CYLD: variants seen among roughly 807,000 people sequenced by gnomAD.
The protein encoded by CYLD is ubiquitin carboxyl-terminal hydrolase CYLD.
In CYLD, 26 loss-of-function variants were observed where a neutral mutation model predicts 104.5. That is an observed-to-expected ratio of 0.25 (90% CI 0.18 to 0.35). CYLD has a LOEUF of 0.35. CYLD is among the 10% of genes least tolerant of loss of function. The pLI is 1.00. For synonymous variants in CYLD, 385 were observed against 399.9 expected, an observed-to-expected ratio of 0.96 and a Z score of 0.45; for missense variants, 703 against 1,136.1, an observed-to-expected ratio of 0.62 and a Z score of 5.48.
chr16:50,762,438 A>G (rs1968054820), intron 5 of CYLD, among the ~76,000 whole-genome samples: 2 of 152,076 alleles, frequency 1.3e-5, no homozygotes, highest in Non-Finnish European at 2.9e-5. Context: ...TCAAGTTTCC[A>G]GATGTACACG....
intron 2 of CYLD, among the ~76,000 whole-genome samples, chr16:50,749,098 A>T (rs1966426638): frequency 6.6e-6 from 1 of 152,310 alleles, no homozygotes; most frequent in East Asian, 1.9e-4. Context: ...GTTACTCGGG[A>T]GGCTGAGGTA....
intron 13 of CYLD, 92 bp from the exon 14 acceptor site, chr16:50,787,694 A>G: frequency 1.5e-6 from 1 of 685,304 alleles, no homozygotes; most frequent in East Asian, 2.8e-5. Context: ...ATGAAACTGA[A>G]TTCAGTATTA....
At chr16:50,770,521 G>C (rs1969033008) in intron 5 of CYLD, among the ~76,000 whole-genome samples, 1 of 150,706 alleles carries the variant, frequency 6.6e-6, no homozygotes, top group Non-Finnish European at 1.5e-5. Context: ...CGTGATCTCG[G>C]CTCACTGTAA....
Position 50,751,676 on chromosome 16 carries a change from T to G in CYLD, c.577T>G (p.Cys193Gly). Residue 193 changes from cysteine (C) to glycine (G), a missense_variant, in exon 4 of 19, where the codon TGT becomes GGT. Around this residue, in one of 5 missense-constraint regions of CYLD, gnomAD observed 123 missense variants for 213.3 expected, o/e 0.58. Coordinates refer to ENST00000427738, the MANE Select transcript of CYLD (RefSeq NM_001378743.1). ...GKQLFQCDED[C>G]GVFVALDKLE... ...ACAGCTTTTTCAGTGTGATGAAGAT[T>G]GTGGCGTGTTTGTTGCATTGGACAA... The G allele has an allele frequency of 6.2e-7, 1 of 1,613,778 alleles. No homozygotes were observed. The highest frequency in any genetic ancestry group is 8.5e-7 in the Non-Finnish European group (1 of 1,179,816).
At chr16:50,754,860 TACAC>T (rs749207539) in intron 5 of CYLD, among the ~76,000 whole-genome samples, 1 of 143,376 alleles carries the variant, frequency 7.0e-6, no homozygotes, top group East Asian at 1.9e-4. Flanking sequence ...TGTATATATA[TACAC>T]ACACACATAT....
chr16:50,755,909 G>C (rs1208208392), intron 5 of CYLD, among the ~76,000 whole-genome samples: 1 of 151,974 alleles, frequency 6.6e-6, no homozygotes, highest in Non-Finnish European at 1.5e-5. Context: ...TTTGCTTTCG[G>C]GTTCTTGGTC....
intron 14 of CYLD, among the ~76,000 whole-genome samples, chr16:50,790,922 TAA>T (rs1173999430): frequency 6.6e-6 from 1 of 152,174 alleles, no homozygotes; most frequent in East Asian, 1.9e-4. Context: ...GCTCAAAATA[TAA>T]GAGTAACACT....
At chr16:50,769,266 A>T (rs1968854967) in intron 5 of CYLD, among the ~76,000 whole-genome samples, 1 of 152,168 alleles carries the variant, frequency 6.6e-6, no homozygotes, top group Non-Finnish European at 1.5e-5. Context: ...CAAACCTTCC[A>T]AGCTGTGTTT....
At position 50,797,368 on chromosome 16, in the gene CYLD, A is replaced by G; in HGVS notation, c.*860A>G. ...CCATAAGAAAATGAATTTGGCATAT[A>G]GAATTATTACAATTTCCTGGGAGAG... is the stretch of plus-strand genomic sequence containing the variant. On this transcript the variant is annotated 3_prime_UTR_variant, in exon 19 of 19. Transcript: ENST00000427738. 4.3e-6 allele frequency: 1 copy of G among 232,358 alleles called. No homozygotes were observed. The allele number at this position is 232,358 out of a possible 1,614,324, so 14.4% of individuals were successfully genotyped here. A position where few individuals can be genotyped will look rare whatever the true frequency, so the allele number is the denominator to read the frequency against.
chr16:50,795,424 A>G, intron 18 of CYLD: 1 of 626,800 alleles, frequency 1.6e-6, no homozygotes, highest in Non-Finnish European at 2.9e-6. Flanking sequence ...TGTAGGTAAG[A>G]AATGTTTGTT....
chr16:50,783,629 C>T (rs757483616), intron 11 of CYLD, among the ~76,000 whole-genome samples: 1 of 152,092 alleles, frequency 6.6e-6, no homozygotes, highest in Non-Finnish European at 1.5e-5. Flanking sequence ...ACCTCCACCT[C>T]CCGGGTTCAA....
chr16:50,796,200 A>G (rs1972033779), intron 18 of CYLD, 124 bp from the exon 19 acceptor site: 1 of 884,376 alleles, frequency 1.1e-6, no homozygotes, highest in Non-Finnish European at 1.7e-6. Flanking sequence ...TCCAGAAATC[A>G]GAAGTAAAAT....
chr16:50,766,446 A>G (rs1008046606), intron 5 of CYLD, among the ~76,000 whole-genome samples: 2 of 152,244 alleles, frequency 1.3e-5, no homozygotes, highest in Admixed American at 6.5e-5. Context: ...AAGGAGATTA[A>G]TGTTGTTTTC....
At chr16:50,776,144 G>C in intron 6 of CYLD, 35 bp from the exon 7 acceptor site, 1 of 1,385,372 alleles carries the variant, frequency 7.2e-7, no homozygotes, top group East Asian at 2.3e-5. Flanking sequence ...ATAAGAATTT[G>C]CCTTTATCTT....
At chr16:50,781,467 CAT>C (rs1410545866) in intron 10 of CYLD, 56 bp downstream of exon 10, 52 of 1,582,296 alleles carry the variant, frequency 3.3e-5, no homozygotes, top group Non-Finnish European at 4.3e-5. Flanking sequence ...ATTCTAATCT[CAT>C]ATCATGTTAT....
intron 5 of CYLD, among the ~76,000 whole-genome samples, chr16:50,754,944 TACAC>T (rs1287952417): frequency 6.8e-6 from 1 of 147,402 alleles, no homozygotes; most frequent in Admixed American, 6.8e-5. Flanking sequence ...TATGTATATA[TACAC>T]ACATATATAC....
At chr16:50,752,120 T>C (rs1966683075) in intron 4 of CYLD, among the ~76,000 whole-genome samples, 1 of 151,540 alleles carries the variant, frequency 6.6e-6, no homozygotes, top group African/African-American at 2.4e-5. Context: ...TTAAAGAACA[T>C]GTTCTAATTT....
Position 50,800,963 on chromosome 16 carries a change from C to G in CYLD, c.*4455C>G, listed in dbSNP as rs1242518665. 4.3e-6 allele frequency: 1 copy of G among 233,334 alleles called. No individual in the cohort carries two copies. Among genetic ancestry groups the G allele is most frequent in the Non-Finnish European group, 8.5e-6 (1 of 118,070 alleles). The allele number at this position is 233,334 out of a possible 1,614,324, so 14.5% of individuals were successfully genotyped here. A position where few individuals can be genotyped will look rare whatever the true frequency, so the allele number is the denominator to read the frequency against. On this transcript the variant is annotated 3_prime_UTR_variant, in exon 19 of 19. Coordinates refer to ENST00000427738, the MANE Select transcript of CYLD (RefSeq NM_001378743.1). ...AAGAAGGAATGTAAACCCCTTAAAG[C>G]AGATGTGTGTGGGGCCTTATGAAGA...
Position 50,793,689 on chromosome 16 carries a change from T to C in CYLD, c.2469+25T>C, listed in dbSNP as rs761991818. On this transcript the variant is annotated intron_variant, in intron 17 of 18. Transcript: ENST00000427738. Reference sequence around the variant, plus strand: ...AGTGAGCTTCCCTTCACTTAATGGATAAACTTTTGTTGAACAGTAACTTAT... The same window carrying C: ...AGTGAGCTTCCCTTCACTTAATGGACAAACTTTTGTTGAACAGTAACTTAT... The C allele has an allele frequency of 3.0e-5, 44 of 1,448,042 alleles. No individual in the cohort carries two copies. In the African/African-American group the frequency reaches 6.0e-4, roughly 20 times the overall value. 89.7% of individuals were successfully genotyped at this position (1,448,042 alleles called of 1,614,324 possible). A position where few individuals can be genotyped will look rare whatever the true frequency, so the allele number is the denominator to read the frequency against.
Sources: allele counts gnomAD v4.1 joint callset (sites outside exome capture counted in the v4.1 genomes callset), GRCh38; gene constraint gnomAD v4.1.1; regional missense constraint gnomAD v4.1.1; transcripts MANE v1.5; gene names NCBI Gene and HGNC (gene_info 2026-07-23, HGNC 2026-07-21).